The following MEIS1 variants were observed in gnomAD, a reference collection of about 807,000 sequenced individuals.
MEIS1 encodes the protein Meis homeobox 1.
In MEIS1, 5 loss-of-function variants were observed where a neutral mutation model predicts 50.8. That is an observed-to-expected ratio of 0.10 (90% CI 0.05 to 0.21). The LOEUF (loss-of-function observed/expected upper bound fraction) is 0.21, where lower values mean the gene tolerates loss of function less well. Ranked by LOEUF, MEIS1 falls within the 10% of genes least tolerant of loss-of-function variation. The pLI, the probability that MEIS1 is intolerant of heterozygous loss-of-function variation, is 1.00. For synonymous variants in MEIS1, 176 were observed against 179.3 expected, an observed-to-expected ratio of 0.98 and a Z score of 0.15; for missense variants, 318 against 517.3, an observed-to-expected ratio of 0.61 and a Z score of 3.74.
intron 7 of MEIS1, among the ~76,000 whole-genome samples, chr2:66,497,341 A>G (rs1229333290): frequency 3.9e-5 from 6 of 152,214 alleles, no homozygotes; most frequent in East Asian, 3.9e-4. Flanking sequence ...AAAGGATTAA[A>G]TGAGATACTT....
At chr2:66,521,714 C>T (rs1674126021) in intron 8 of MEIS1, among the ~76,000 whole-genome samples, 1 of 152,258 alleles carries the variant, frequency 6.6e-6, no homozygotes, top group South Asian at 2.1e-4. Context: ...ATTACTCCAC[C>T]TGTCTGTATG....
intron 7 of MEIS1, among the ~76,000 whole-genome samples, chr2:66,489,866 CT>C (rs1262341418): frequency 6.6e-6 from 1 of 152,160 alleles, no homozygotes; most frequent in Non-Finnish European, 1.5e-5. Flanking sequence ...GCTTTATTGA[CT>C]TTCATGGGAG....
At chr2:66,446,566 T>C (rs1672152940) in intron 6 of MEIS1, among the ~76,000 whole-genome samples, 1 of 152,144 alleles carries the variant, frequency 6.6e-6, no homozygotes. Flanking sequence ...GGATTACAGT[T>C]TTTATTCAAC....
intron 8 of MEIS1, among the ~76,000 whole-genome samples, chr2:66,529,386 A>T (rs1674334846): frequency 6.6e-6 from 1 of 152,184 alleles, no homozygotes; most frequent in African/African-American, 2.4e-5. Flanking sequence ...AGATCCTGAT[A>T]CAGGGGTTAG....
rs1674831709 is a variant in MEIS1 at position 66,548,024 on chromosome 2, G to A, written c.965+5G>A. On this transcript the variant is annotated splice_donor_5th_base_variant and intron_variant, in intron 9 of 12. Coordinates refer to ENST00000272369, the MANE Select transcript of MEIS1 (RefSeq NM_002398.3). ...CATCCTTCAAGTGAACAATTGGTAA[G>A]TAATTTGGCTTTGTGTTTACACACA... is the stretch of plus-strand genomic sequence containing the variant. 1.9e-6 allele frequency: 3 copies of A among 1,612,226 alleles called. No homozygotes were observed. Among genetic ancestry groups the A allele is most frequent in the Admixed American group, 1.7e-5 (1 of 59,760 alleles).
At chr2:66,456,567 T>C (rs550759803) in intron 6 of MEIS1, among the ~76,000 whole-genome samples, 87 of 152,370 alleles carry the variant, frequency 5.7e-4, no homozygotes, top group Non-Finnish European at 1.1e-3. Context: ...CCATCTGCCC[T>C]GAGTCACCAG....
At chr2:66,476,445 A>T (rs569555244) in intron 7 of MEIS1, among the ~76,000 whole-genome samples, 1 of 152,344 alleles carries the variant, frequency 6.6e-6, no homozygotes, top group South Asian at 2.1e-4. Flanking sequence ...GAATTAATTA[A>T]ATGTCCACTG....
chr2:66,470,935 C>T (rs1422049242), intron 7 of MEIS1, among the ~76,000 whole-genome samples: 4 of 152,162 alleles, frequency 2.6e-5, no homozygotes, highest in Admixed American at 2.6e-4. Flanking sequence ...AACTGCTTTA[C>T]TTATGAGCTT....
At chr2:66,476,248 A>G (rs1672889673) in intron 7 of MEIS1, among the ~76,000 whole-genome samples, 1 of 152,192 alleles carries the variant, frequency 6.6e-6, no homozygotes, top group Non-Finnish European at 1.5e-5. Context: ...ACTTCAGCCT[A>G]TAAAGCTGGA....
At position 66,571,612 on chromosome 2, in the gene MEIS1, G is replaced by A. The variant is rs1202890086; in HGVS notation, c.*404G>A. ...CAATGACTGTGGAGTTCCATTCTTG[G>A]CATCTACTCTGGACCAAGGAGCATC... On this transcript the variant is annotated 3_prime_UTR_variant, in exon 13 of 13. Coordinates refer to ENST00000272369, the MANE Select transcript of MEIS1 (RefSeq NM_002398.3). 5 of 1,501,440 alleles carry A rather than the reference G, an allele frequency of 3.3e-6. No homozygotes were observed. Among genetic ancestry groups the A allele is most frequent in the South Asian group, 1.2e-5 (1 of 82,102 alleles). 93.0% of individuals were successfully genotyped at this position (1,501,440 alleles called of 1,614,324 possible).
At chr2:66,445,757 G>A (rs893237309) in intron 6 of MEIS1, among the ~76,000 whole-genome samples, 6 of 152,172 alleles carry the variant, frequency 3.9e-5, no homozygotes, top group African/African-American at 1.2e-4. Context: ...TATCCCGGAG[G>A]GCTAAGTCGG....
At chr2:66,548,615 C>A (rs1219521488) in intron 9 of MEIS1, among the ~76,000 whole-genome samples, 1 of 152,048 alleles carries the variant, frequency 6.6e-6, no homozygotes, top group Non-Finnish European at 1.5e-5. Flanking sequence ...AGATTATGTA[C>A]CAAGTACCAG....
At chr2:66,542,587 T>C (rs1285512726) in intron 8 of MEIS1, among the ~76,000 whole-genome samples, 3 of 152,222 alleles carry the variant, frequency 2.0e-5, no homozygotes, top group Admixed American at 6.5e-5. Context: ...TCTACCTCTA[T>C]TGCTTTGTTA....
intron 7 of MEIS1, among the ~76,000 whole-genome samples, chr2:66,497,516 C>T (rs1673436036): frequency 6.6e-6 from 1 of 152,094 alleles, no homozygotes; most frequent in Non-Finnish European, 1.5e-5. Flanking sequence ...GGTAGTGTGT[C>T]TCACTTTTCC....
At chr2:66,554,064 C>G (rs939583404) in intron 9 of MEIS1, among the ~76,000 whole-genome samples, 1 of 152,202 alleles carries the variant, frequency 6.6e-6, no homozygotes, top group Non-Finnish European at 1.5e-5. Flanking sequence ...GGACAAGACA[C>G]TAGCTGGAAG....
At chr2:66,489,322 A>ATT (rs1673218502) in intron 7 of MEIS1, among the ~76,000 whole-genome samples, 1 of 152,208 alleles carries the variant, frequency 6.6e-6, no homozygotes, top group Admixed American at 6.5e-5. Flanking sequence ...GAGTCTTATA[A>ATT]ATATCCCTCT....
chr2:66,457,233 T>C (rs1404757754), intron 6 of MEIS1, among the ~76,000 whole-genome samples: 2 of 151,602 alleles, frequency 1.3e-5, no homozygotes, highest in African/African-American at 2.4e-5. Context: ...ATTGAGTAGA[T>C]GTAGCCCCAA....
chr2:66,551,239 T>C (rs192448151), intron 9 of MEIS1, among the ~76,000 whole-genome samples: 10 of 152,304 alleles, frequency 6.6e-5, no homozygotes, highest in Non-Finnish European at 1.2e-4. Context: ...AATGGTTCTT[T>C]CACTTCATCA....
chr2:66,540,551 G>A lies in MEIS1; in HGVS notation c.889-7392G>A, dbSNP rs572408297. Among the ~76,000 whole-genome samples the A allele has an allele frequency of 5.9e-5, 9 of 152,230 alleles. No individual in the cohort carries two copies. In the East Asian group the frequency reaches 9.7e-4, roughly 16 times the overall value. On this transcript the variant is annotated intron_variant, in intron 8 of 12. Transcript: ENST00000272369. Reference sequence around the variant, plus strand: ...GACCTCAAGTGATCCACCCACTTTGGCCTTCCAAAGTGCTGGGATTATAGG... The same window carrying A: ...GACCTCAAGTGATCCACCCACTTTGACCTTCCAAAGTGCTGGGATTATAGG...
Sources: allele counts gnomAD v4.1 joint callset (sites outside exome capture counted in the v4.1 genomes callset), GRCh38; gene constraint gnomAD v4.1.1; transcripts MANE v1.5; gene names NCBI Gene and HGNC (gene_info 2026-07-23, HGNC 2026-07-21).